The following IL15 variants were observed in gnomAD, a reference collection of about 807,000 sequenced individuals.
IL15 encodes the protein interleukin 15, also known as interleukin-15.
In IL15, 11 loss-of-function variants were observed where a neutral mutation model predicts 19.6. The ratio of observed to expected loss-of-function variants is 0.56; its 90% CI spans 0.35 to 0.93. IL15 has a LOEUF of 0.93. Among genes scored for constraint, IL15 ranks in the 40% least tolerant of loss-of-function variants. The pLI, the probability that IL15 is intolerant of heterozygous loss-of-function variation, is 0.01. For synonymous variants in IL15, 58 were observed against 59.6 expected, an observed-to-expected ratio of 0.97 and a Z score of 0.12; for missense variants, 197 against 186.5, an observed-to-expected ratio of 1.06 and a Z score of -0.33.
chr4:141,718,817 T>C (rs949139033), intron 2 of IL15: 1 of 152,206 alleles, frequency 6.6e-6, no homozygotes, highest in Admixed American at 6.5e-5. Flanking sequence ...ATTTTGGTTA[T>C]AAACTGCTTT....
intron 7 of IL15, 36 bp from the exon 8 acceptor site, chr4:141,732,702 T>A: frequency 6.2e-7 from 1 of 1,601,988 alleles, no homozygotes; most frequent in Non-Finnish European, 8.5e-7. Flanking sequence ...AATTTAATTA[T>A]AAATTGCCAA....
intron 2 of IL15, among the ~76,000 whole-genome samples, chr4:141,656,842 T>G (rs1397853228): frequency 6.6e-6 from 1 of 152,216 alleles, no homozygotes; most frequent in Non-Finnish European, 1.5e-5. Context: ...AATGAGTTTA[T>G]GTAAGGATAT....
intron 7 of IL15, among the ~76,000 whole-genome samples, chr4:141,730,646 A>G (rs992396444): frequency 6.6e-6 from 1 of 152,146 alleles, no homozygotes; most frequent in Admixed American, 6.5e-5. Context: ...ATCCCAGGCA[A>G]CTTGAGCAGT....
intron 2 of IL15, among the ~76,000 whole-genome samples, chr4:141,692,203 A>G (rs1303241948): frequency 6.6e-6 from 1 of 152,176 alleles, no homozygotes; most frequent in Non-Finnish European, 1.5e-5. Context: ...ACAGGGTGCC[A>G]TGTCCCGAGG....
intron 1 of IL15, among the ~76,000 whole-genome samples, chr4:141,652,707 A>C (rs1727450984): frequency 6.6e-6 from 1 of 152,140 alleles, no homozygotes; most frequent in Non-Finnish European, 1.5e-5. Flanking sequence ...GCCTAGAGAA[A>C]CTGTCTGGAG....
chr4:141,705,033 T>C (rs889307299), intron 2 of IL15, among the ~76,000 whole-genome samples: 2 of 151,950 alleles, frequency 1.3e-5, no homozygotes, highest in Non-Finnish European at 2.9e-5. Context: ...AATCTTTGTT[T>C]TGGTTTTTAT....
Position 141,729,981 on chromosome 4 carries a change from T to C in IL15, c.375T>C (p.Asn125=). 6.2e-7 allele frequency: 1 copy of C among 1,609,464 alleles called. No homozygotes were observed. Among genetic ancestry groups the C allele is most frequent in the Non-Finnish European group, 8.5e-7 (1 of 1,176,152 alleles). Residue 125 remains asparagine (N), a synonymous_variant, in exon 7 of 8, where the codon AAT becomes AAC. Coordinates refer to ENST00000320650, the MANE Select transcript of IL15 (RefSeq NM_000585.5). ...TAGCAAACAACAGTTTGTCTTCTAATGGGGTGAGTTTTCCAACAGTTGCTT... is the reference window on the plus strand; with the variant it reads ...TAGCAAACAACAGTTTGTCTTCTAACGGGGTGAGTTTTCCAACAGTTGCTT... The part of the protein sequence containing the change: ...IILANNSLSS[N]GNVTESGCKE...
intron 2 of IL15, among the ~76,000 whole-genome samples, chr4:141,665,134 G>C (rs529971214): frequency 6.6e-6 from 1 of 151,638 alleles, no homozygotes; most frequent in African/African-American, 2.4e-5. Context: ...TAAAAGTCTG[G>C]TTATCCTATC....
chr4:141,706,957 T>G (rs1009135500), intron 2 of IL15, among the ~76,000 whole-genome samples: 5 of 152,180 alleles, frequency 3.3e-5, no homozygotes, highest in African/African-American at 1.2e-4. Flanking sequence ...CTCTGAATAC[T>G]TGGGAAGCCT....
chr4:141,651,917 CATCTT>C (rs1727421071), intron 1 of IL15, among the ~76,000 whole-genome samples: 1 of 152,040 alleles, frequency 6.6e-6, no homozygotes, highest in Non-Finnish European at 1.5e-5. Context: ...AGAAATCCGA[CATCTT>C]AGACTACAAA....
chr4:141,686,919 T>A (rs1211283792), intron 2 of IL15, among the ~76,000 whole-genome samples: 1 of 152,246 alleles, frequency 6.6e-6, no homozygotes, highest in Non-Finnish European at 1.5e-5. Context: ...ATAATAATTT[T>A]AAATATTTTC....
chr4:141,640,589 A>G (rs1727008986), intron 1 of IL15, among the ~76,000 whole-genome samples: 1 of 152,182 alleles, frequency 6.6e-6, no homozygotes, highest in South Asian at 2.1e-4. Context: ...AACAAAAAAA[A>G]AAGTTGTTTA....
chr4:141,689,588 A>T (rs1034332591), intron 2 of IL15, among the ~76,000 whole-genome samples: 1 of 152,120 alleles, frequency 6.6e-6, no homozygotes, highest in Non-Finnish European at 1.5e-5. Context: ...CCTGAGCTAG[A>T]CATAAAGGTT....
rs2152195440 is a variant in IL15 at position 141,733,686 on chromosome 4, T to G, written c.*838T>G. On this transcript the variant is annotated 3_prime_UTR_variant, in exon 8 of 8. Transcript: ENST00000320650. ...AAAGTGTGGCCCAAGACAATTCTTC[T>G]TATTCCAATGTGGCCCAGGGAAATC... is the stretch of plus-strand genomic sequence containing the variant. 1 of 152,324 alleles carries G rather than the reference T, an allele frequency of 6.6e-6. No homozygotes were observed. Among genetic ancestry groups the G allele is most frequent in the African/African-American group, 2.4e-5 (1 of 41,582 alleles). The allele number at this position is 152,324 out of a possible 1,614,324, so 9.4% of individuals were successfully genotyped here.
At chr4:141,639,406 CATTT>C (rs1222194897) in intron 1 of IL15, among the ~76,000 whole-genome samples, 1 of 152,138 alleles carries the variant, frequency 6.6e-6, no homozygotes. Flanking sequence ...AAATAATATT[CATTT>C]GAGTGTCAAA....
chr4:141,712,794 T>C (rs1560933084), intron 2 of IL15, among the ~76,000 whole-genome samples: 1 of 151,666 alleles, frequency 6.6e-6, no homozygotes. Flanking sequence ...AATATTTATA[T>C]AGATTATTGT....
intron 2 of IL15, chr4:141,718,435 T>G (rs964956523): frequency 2.6e-5 from 4 of 151,836 alleles, no homozygotes; most frequent in African/African-American, 4.8e-5. Flanking sequence ...AAAATGAGAG[T>G]GATAAGGAAG....
At chr4:141,671,191 T>C (rs1289077853) in intron 2 of IL15, among the ~76,000 whole-genome samples, 1 of 152,208 alleles carries the variant, frequency 6.6e-6, no homozygotes, top group East Asian at 1.9e-4. Flanking sequence ...AGGAATCTCA[T>C]ATTTTGTGGG....
At chr4:141,648,755 T>C (rs1227722123) in intron 1 of IL15, among the ~76,000 whole-genome samples, 2 of 152,090 alleles carry the variant, frequency 1.3e-5, no homozygotes, top group African/African-American at 4.8e-5. Flanking sequence ...TGACTTGATA[T>C]TGAGGCATTC....
Sources: allele counts gnomAD v4.1 joint callset (sites outside exome capture counted in the v4.1 genomes callset), GRCh38; gene constraint gnomAD v4.1.1; transcripts MANE v1.5; gene names NCBI Gene and HGNC (gene_info 2026-07-23, HGNC 2026-07-21).